Variants in DPP6 observed in about 807,000 individuals in gnomAD.
DPP6 encodes the protein A-type potassium channel modulatory protein DPP6.
In DPP6, 69 loss-of-function variants were observed where a neutral mutation model predicts 122.6. The observed-to-expected ratio is 0.56, with a 90% confidence interval of 0.46 to 0.69. DPP6 has a LOEUF of 0.69. DPP6 is among the 30% of genes least tolerant of loss of function. The pLI, the probability that DPP6 is intolerant of heterozygous loss-of-function variation, is 0.00. For missense variants in DPP6, 928 were observed against 1,116.9 expected (o/e 0.83, Z 2.41); for synonymous variants, 418 against 433.1 (o/e 0.97, Z 0.43).
At chr7:154,876,383 G>A (rs567129591) in intron 20 of DPP6, 1 of 404,898 alleles carries the variant, frequency 2.5e-6, no homozygotes, top group South Asian at 9.6e-5. Context: ...TGGCTTTTCT[G>A]CGCTGTGGTC....
At chr7:154,034,142 C>A (rs1799397549) in intron 1 of DPP6, among the ~76,000 whole-genome samples, 1 of 152,198 alleles carries the variant, frequency 6.6e-6, no homozygotes, top group South Asian at 2.1e-4. Context: ...TTCTACACAA[C>A]TGTTGTCAAG....
At chr7:154,575,507 G>GTATGTA (rs1831579446) in intron 5 of DPP6, among the ~76,000 whole-genome samples, 1 of 135,302 alleles carries the variant, frequency 7.4e-6, no homozygotes, top group Admixed American at 7.6e-5. Flanking sequence ...TGTGTGGTGT[G>GTATGTA]TGTGTGGTGT....
chr7:154,646,038 A>AAAAAAAAAAAAAAAAAAG (rs1432408504), intron 6 of DPP6, among the ~76,000 whole-genome samples: 2 of 150,014 alleles, frequency 1.3e-5, no homozygotes, highest in African/African-American at 2.4e-5. Flanking sequence ...AAAAAAAAAA[A>AAAAAAAAAAAAAAAAAAG]AAAAAAAGAA....
intron 1 of DPP6, among the ~76,000 whole-genome samples, chr7:153,943,402 C>T (rs1339430027): frequency 2.0e-5 from 3 of 152,138 alleles, no homozygotes; most frequent in African/African-American, 4.8e-5. Context: ...TACTTGAGTC[C>T]TATACCAGGG....
intron 10 of DPP6, among the ~76,000 whole-genome samples, chr7:154,792,399 A>T (rs1026087967): frequency 6.6e-6 from 1 of 152,298 alleles, no homozygotes; most frequent in Admixed American, 6.5e-5. Flanking sequence ...AAAGTGTTCT[A>T]TGTAAAGCAA....
intron 1 of DPP6, among the ~76,000 whole-genome samples, chr7:154,042,775 C>T (rs778503854): frequency 2.0e-5 from 3 of 152,164 alleles, no homozygotes; most frequent in Non-Finnish European, 2.9e-5. Flanking sequence ...CAAAGACCAA[C>T]GACTTCAATG....
At chr7:154,632,095 G>T (rs1386578990) in intron 5 of DPP6, among the ~76,000 whole-genome samples, 2 of 152,210 alleles carry the variant, frequency 1.3e-5, no homozygotes, top group African/African-American at 4.8e-5. Flanking sequence ...ATTCGTTACA[G>T]CTCAGCATTC....
intron 1 of DPP6, among the ~76,000 whole-genome samples, chr7:154,439,254 GC>G (rs1419405536): frequency 6.6e-6 from 1 of 152,134 alleles, no homozygotes; most frequent in African/African-American, 2.4e-5. Context: ...GAGAGTCTAT[GC>G]AAAAACAGCC....
intron 16 of DPP6, among the ~76,000 whole-genome samples, chr7:154,815,672 T>G (rs1191460069): frequency 6.6e-6 from 1 of 152,204 alleles, no homozygotes; most frequent in African/African-American, 2.4e-5. Context: ...TAAATAAACT[T>G]CCTTCTCCTG....
At chr7:153,976,859 G>T (rs556735465) in intron 1 of DPP6, among the ~76,000 whole-genome samples, 3 of 152,288 alleles carry the variant, frequency 2.0e-5, no homozygotes, top group Admixed American at 6.5e-5. Context: ...GGGACATCGG[G>T]GCTGCCACTG....
At chr7:154,728,934 A>G (rs1222552503) in intron 8 of DPP6, among the ~76,000 whole-genome samples, 2 of 152,062 alleles carry the variant, frequency 1.3e-5, no homozygotes, top group Admixed American at 6.6e-5. Context: ...CAAAGGCTCC[A>G]CCTCCTAACC....
intron 1 of DPP6, among the ~76,000 whole-genome samples, chr7:154,137,421 T>G (rs2150651193): frequency 6.6e-6 from 1 of 151,850 alleles, no homozygotes; most frequent in African/African-American, 2.4e-5. Context: ...ATCACAGACA[T>G]GTGCAATCTT....
chr7:153,970,811 G>A (rs1005300731), intron 1 of DPP6, among the ~76,000 whole-genome samples: 11 of 152,090 alleles, frequency 7.2e-5, no homozygotes, highest in African/African-American at 2.4e-4. Flanking sequence ...CTGATGGATG[G>A]GTCTGTTTCT....
At chr7:154,786,148 A>C (rs1435627444) in intron 10 of DPP6, among the ~76,000 whole-genome samples, 2 of 152,184 alleles carry the variant, frequency 1.3e-5, no homozygotes, top group Non-Finnish European at 2.9e-5. Context: ...TCTCTTAATG[A>C]TTTACTAAGA....
At position 154,803,975 on chromosome 7, in the gene DPP6, C is replaced by T. The variant is rs1227681209; in HGVS notation, c.1499+20C>T. The T allele has an allele frequency of 6.2e-7, 1 of 1,611,300 alleles. No individual in the cohort carries two copies. Among genetic ancestry groups the T allele is most frequent in the Admixed American group, 1.7e-5 (1 of 59,684 alleles). On this transcript the variant is annotated intron_variant, in intron 14 of 25. Coordinates refer to ENST00000377770, the MANE Select transcript of DPP6 (RefSeq NM_130797.4). ...TAAGATGTGAGTGAGAACCAGGGGC[C>T]TGCCCCATCTTACTGGCCAATGGGG...
intron 1 of DPP6, among the ~76,000 whole-genome samples, chr7:154,374,876 T>G (rs531413708): frequency 3.3e-5 from 5 of 152,290 alleles, no homozygotes; most frequent in African/African-American, 1.2e-4. Context: ...CCTCCCAAAG[T>G]GCTGGGATTA....
chr7:154,504,795 G>A lies in DPP6; in HGVS notation c.457+29758G>A, dbSNP rs1229073676. ...GTAATGGAAAATATACAGTATCAGGGTGTTTTTTTTTTTTGCTGTGGAATG... is the reference window on the plus strand; with the variant it reads ...GTAATGGAAAATATACAGTATCAGGATGTTTTTTTTTTTTGCTGTGGAATG... On this transcript the variant is annotated intron_variant, in intron 3 of 25. Transcript: ENST00000377770. Among the ~76,000 whole-genome samples, 5 of 138,272 alleles carry A rather than the reference G, an allele frequency of 3.6e-5. No homozygotes were observed. The East Asian group carries it at 1.1e-3, about 31-fold the overall frequency. The allele number at this position is 138,272 out of a possible 152,430, so 90.7% of individuals were successfully genotyped here. A position where few individuals can be genotyped will look rare whatever the true frequency, so the allele number is the denominator to read the frequency against.
intron 6 of DPP6, among the ~76,000 whole-genome samples, chr7:154,640,646 C>T (rs1481306396): frequency 6.6e-6 from 1 of 152,158 alleles, no homozygotes. Context: ...CCTTGGTCAT[C>T]ACTGTCACCG....
chr7:154,435,025 T>G (rs939476511), intron 1 of DPP6, among the ~76,000 whole-genome samples: 2 of 151,972 alleles, frequency 1.3e-5, no homozygotes, highest in Admixed American at 6.6e-5. Context: ...TTAGTAGAGA[T>G]AGTGTTTCAC....
Sources: gnomAD v4.1 joint callset for allele counts (sites outside exome capture counted in the v4.1 genomes callset) on GRCh38, gnomAD v4.1.1 for gene constraint, MANE v1.5 for transcripts, NCBI Gene and HGNC (gene_info 2026-07-23, HGNC 2026-07-21) for gene names.